PPP1R9A: variants seen among roughly 807,000 people sequenced by gnomAD.
PPP1R9A encodes the protein neurabin-1.
A neutral mutation model predicts 141.9 loss-of-function variants in PPP1R9A; 59 were observed. That is an observed-to-expected ratio of 0.42 (90% CI 0.34 to 0.52). The LOEUF (loss-of-function observed/expected upper bound fraction) is 0.52. Ranked by LOEUF, PPP1R9A falls within the 20% of genes least tolerant of loss-of-function variation. The pLI is 0.10. For synonymous variants in PPP1R9A, 500 were observed against 569.7 expected, an observed-to-expected ratio of 0.88 and a Z score of 1.74; for missense variants, 1,444 against 1,611.9, an observed-to-expected ratio of 0.90 and a Z score of 1.78.
Position 94,910,107 on chromosome 7 carries a change from A to T in PPP1R9A, c.-7A>T. ...ATGAACATTGGCTTTTCACCCCTGA[A>T]GTGAAAATGTTGAAAACTGAGTCTT... is the stretch of plus-strand genomic sequence containing the variant. On this transcript the variant is annotated 5_prime_UTR_variant, in exon 2 of 20. In the 5' UTR this introduces an upstream ATG that the reference lacks. Coordinates refer to ENST00000433360, the MANE Select transcript of PPP1R9A (RefSeq NM_001166160.2). This position sits in a 1 kb window ranked among gnomAD's most constrained non-coding sequence, Gnocchi z 4.5. 1 of 1,593,250 alleles carries T rather than the reference A, an allele frequency of 6.3e-7. No individual in the cohort carries two copies. Among genetic ancestry groups the T allele is most frequent in the Non-Finnish European group, 8.5e-7 (1 of 1,170,946 alleles).
chr7:95,175,164 T>G (rs1832715567), intron 5 of PPP1R9A: 1 of 152,244 alleles, frequency 6.6e-6, no homozygotes, highest in South Asian at 2.1e-4. Flanking sequence ...CATGCAAGGA[T>G]AGATAATTAC....
intron 2 of PPP1R9A, among the ~76,000 whole-genome samples, chr7:94,919,300 C>CTTT (rs1562991267): frequency 4.2e-5 from 5 of 120,172 alleles, no homozygotes; most frequent in Non-Finnish European, 1.6e-5. Context: ...TGGATAATTA[C>CTTT]ATTTTTTTTT....
intron 8 of PPP1R9A, among the ~76,000 whole-genome samples, chr7:95,226,417 C>T (rs762445578): frequency 1.1e-4 from 17 of 152,132 alleles, no homozygotes; most frequent in Non-Finnish European, 2.4e-4. Context: ...GTTTTGGTAA[C>T]TAGTGATAAG....
chr7:95,173,085 A>T (rs1832375143), intron 5 of PPP1R9A, among the ~76,000 whole-genome samples: 1 of 151,968 alleles, frequency 6.6e-6, no homozygotes, highest in African/African-American at 2.4e-5. Context: ...AACTGATCAC[A>T]ACCCTAATTG....
chr7:95,176,536 A>G (rs1242072399), intron 5 of PPP1R9A: 1 of 152,666 alleles, frequency 6.6e-6, no homozygotes, highest in Non-Finnish European at 1.5e-5. Context: ...ATTTACCTGC[A>G]AAAGAATTCA....
At chr7:95,121,904 A>G (rs1304764066) in intron 4 of PPP1R9A, among the ~76,000 whole-genome samples, 1 of 152,282 alleles carries the variant, frequency 6.6e-6, no homozygotes, top group African/African-American at 2.4e-5. Context: ...ACCTCTCAAC[A>G]CTGTTGCGTT....
chr7:94,996,182 A>AT (rs1252243721), intron 2 of PPP1R9A, among the ~76,000 whole-genome samples: 2 of 152,178 alleles, frequency 1.3e-5, no homozygotes, highest in Non-Finnish European at 2.9e-5. Context: ...TATGTGATGA[A>AT]TTGTAGACCT....
chr7:94,919,063 C>A (rs1792440296), intron 2 of PPP1R9A, among the ~76,000 whole-genome samples: 1 of 152,174 alleles, frequency 6.6e-6, no homozygotes, highest in South Asian at 2.1e-4. Context: ...GCGTGGGACA[C>A]CGCACTTCTC....
chr7:95,193,022 G>A (rs564747506), intron 5 of PPP1R9A, among the ~76,000 whole-genome samples: 3 of 152,032 alleles, frequency 2.0e-5, no homozygotes, highest in Non-Finnish European at 4.4e-5. Flanking sequence ...ATTCTTTCAT[G>A]TATGTACCAC....
intron 2 of PPP1R9A, among the ~76,000 whole-genome samples, chr7:95,010,328 C>T (rs1052062994): frequency 2.0e-5 from 3 of 151,956 alleles, no homozygotes; most frequent in African/African-American, 4.8e-5. Flanking sequence ...TGCTTGAGTC[C>T]GGGAGGTCAG....
At chr7:94,908,160 G>C (rs1277644391) in intron 1 of PPP1R9A, 2 of 150,694 alleles carry the variant, frequency 1.3e-5, no homozygotes, top group Non-Finnish European at 3.0e-5. Flanking sequence ...GGCTGAGCGC[G>C]GGGCGAGGAG....
At chr7:94,995,674 C>G (rs1802080166) in intron 2 of PPP1R9A, among the ~76,000 whole-genome samples, 1 of 151,714 alleles carries the variant, frequency 6.6e-6, no homozygotes, top group African/African-American at 2.4e-5. Flanking sequence ...TCTCCCATAC[C>G]TCTACTTAAT....
intron 2 of PPP1R9A, among the ~76,000 whole-genome samples, chr7:94,982,399 C>A (rs1800238410): frequency 6.6e-6 from 1 of 152,306 alleles, no homozygotes; most frequent in East Asian, 1.9e-4. Context: ...GGAATTGCCA[C>A]ACTGTCTTCC....
chr7:94,939,867 A>G (rs1182639909), intron 2 of PPP1R9A, among the ~76,000 whole-genome samples: 1 of 151,194 alleles, frequency 6.6e-6, no homozygotes, highest in East Asian at 1.9e-4. Context: ...GAGATTGTAT[A>G]GTGTTATGAC....
chr7:95,209,461 T>G (rs1490560646), intron 7 of PPP1R9A, among the ~76,000 whole-genome samples: 1 of 152,102 alleles, frequency 6.6e-6, no homozygotes, highest in Non-Finnish European at 1.5e-5. Context: ...ATTGGAGTGG[T>G]CCAGTGTAAA....
At chr7:94,955,055 A>T (rs971502428) in intron 2 of PPP1R9A, among the ~76,000 whole-genome samples, 24 of 152,114 alleles carry the variant, frequency 1.6e-4, no homozygotes, top group African/African-American at 5.8e-4. Context: ...TACTGTCATT[A>T]ATACAATTAT....
At chr7:95,281,515 A>C (rs1361211207) in intron 16 of PPP1R9A, among the ~76,000 whole-genome samples, 4 of 152,216 alleles carry the variant, frequency 2.6e-5, no homozygotes, top group African/African-American at 9.6e-5. Flanking sequence ...GCACAGGTCC[A>C]TGTGGAATTA....
chr7:95,167,421 A>G (rs1054607266), intron 5 of PPP1R9A, among the ~76,000 whole-genome samples: 1 of 152,194 alleles, frequency 6.6e-6, no homozygotes, highest in Non-Finnish European at 1.5e-5. Flanking sequence ...GCCACATATG[A>G]CAAACTCACA....
intron 2 of PPP1R9A, among the ~76,000 whole-genome samples, chr7:94,984,225 C>T (rs571223473): frequency 1.3e-5 from 2 of 152,212 alleles, no homozygotes; most frequent in Admixed American, 6.5e-5. Flanking sequence ...CTGCTGGATT[C>T]GGTTTGCCAA....
Sources: allele counts gnomAD v4.1 joint callset (sites outside exome capture counted in the v4.1 genomes callset), GRCh38; gene constraint gnomAD v4.1.1; non-coding constraint Gnocchi (gnomAD v3.1); transcripts MANE v1.5; gene names NCBI Gene and HGNC (gene_info 2026-07-23, HGNC 2026-07-21).